The following EPHA1 variants were observed in gnomAD, a reference collection of about 807,000 sequenced individuals.
EPHA1 encodes the protein ephrin type-A receptor 1.
EPHA1 carries 92 observed loss-of-function variants against 110.1 expected under a neutral mutation model. That is an observed-to-expected ratio of 0.84 (90% CI 0.71 to 0.99). EPHA1 has a LOEUF of 0.99. Among genes scored for constraint, EPHA1 ranks in the 50% least tolerant of loss-of-function variants. EPHA1 has a pLI of 0.00. For missense variants in EPHA1, 1,204 were observed against 1,285.4 expected (o/e 0.94, Z 0.97); for synonymous variants, 500 against 516.1 (o/e 0.97, Z 0.42).
At chr7:143,400,081 A>G in intron 3 of EPHA1, 28 bp from the exon 4 acceptor site, 1 of 1,563,012 alleles carries the variant, frequency 6.4e-7, no homozygotes. Context: ...AAGAAAGGGG[A>G]GCAATGGCAA....
rs1805167483 is a variant in EPHA1, at chr7:143,393,992, G to A, written c.2503-128C>T. The A allele has an allele frequency of 1.6e-6, 2 of 1,277,390 alleles. No homozygotes were observed. Among genetic ancestry groups the A allele is most frequent in the Non-Finnish European group, 2.1e-6 (2 of 934,352 alleles). The allele number at this position is 1,277,390 out of a possible 1,614,324, so 79.1% of individuals were successfully genotyped here. A position where few individuals can be genotyped will look rare whatever the true frequency, so the allele number is the denominator to read the frequency against. ...GGGAGGAGGTGGGAGGACCAGGGTG[G>A]GACGATCACAGTGGGAGGATCAGGG... On this transcript the variant is annotated intron_variant, in intron 15 of 17. Transcript: ENST00000275815. The surrounding 1 kb of genome is among the most constrained non-coding windows in gnomAD (Gnocchi z 5.6).
chr7:143,407,698 A>G lies in EPHA1; in HGVS notation c.83-20T>C. 1 of 1,611,968 alleles carries G rather than the reference A, an allele frequency of 6.2e-7. No individual in the cohort carries two copies. The highest frequency in any genetic ancestry group is 8.5e-7 in the Non-Finnish European group (1 of 1,178,662). On this transcript the variant is annotated intron_variant, in intron 1 of 17. Coordinates refer to ENST00000275815, the MANE Select transcript of EPHA1 (RefSeq NM_005232.5). ...GAGTAACTGAAAGTGGGGAGAAAAG[A>G]AGTCTGTCACCTCTGGGGGAGGAGG...
intron 1 of EPHA1, 74 bp downstream of exon 1, chr7:143,408,650 G>A (rs1225223542): frequency 1.0e-5 from 4 of 387,216 alleles, no homozygotes; most frequent in African/African-American, 2.1e-5. Context: ...GCCGGCTTCT[G>A]CAGGGGGGTG....
chr7:143,393,881 G>C lies in EPHA1; in HGVS notation c.2503-17C>G, dbSNP rs756121452. ...CTTCATAACCTGCACGGCGGGACAG[G>C]AGGATGCTCTAGAGTAGCAAGCTAA... On this transcript the variant is annotated splice_polypyrimidine_tract_variant and intron_variant, in intron 15 of 17. Coordinates refer to ENST00000275815, the MANE Select transcript of EPHA1 (RefSeq NM_005232.5). This position sits in a 1 kb window ranked among gnomAD's most constrained non-coding sequence, Gnocchi z 5.6. 6 of 1,531,176 alleles carry C rather than the reference G, an allele frequency of 3.9e-6. No individual in the cohort carries two copies. In the East Asian group the frequency reaches 1.4e-4, roughly 35 times the overall value. The allele number at this position is 1,531,176 out of a possible 1,614,324, so 94.8% of individuals were successfully genotyped here. A position where few individuals can be genotyped will look rare whatever the true frequency, so the allele number is the denominator to read the frequency against.
rs1176425846 is a variant in EPHA1, at chr7:143,393,984, CCAGGGTGGGACGATCACAGTGGGAGGAT to C, written c.2503-148_2503-121del. The C allele has an allele frequency of 1.3e-5, 17 of 1,301,928 alleles. No homozygotes were observed. Among genetic ancestry groups the C allele is most frequent in the Non-Finnish European group, 1.7e-5 (16 of 959,398 alleles). The allele number at this position is 1,301,928 out of a possible 1,614,324, so 80.6% of individuals were successfully genotyped here. On this transcript the variant is annotated intron_variant, in intron 15 of 17. Coordinates refer to ENST00000275815, the MANE Select transcript of EPHA1 (RefSeq NM_005232.5). This position sits in a 1 kb window ranked among gnomAD's most constrained non-coding sequence, Gnocchi z 5.6. ...CCTAGGATGGGAGGAGGTGGGAGGA[CCAGGGTGGGACGATCACAGTGGGAGGAT>C]CAGGGTGGGAGGAGTAAAGAGAGCA...
At chr7:143,406,957 G>A (rs1377916750) in intron 2 of EPHA1, among the ~76,000 whole-genome samples, 1 of 152,226 alleles carries the variant, frequency 6.6e-6, no homozygotes, top group African/African-American at 2.4e-5. Flanking sequence ...ACTGGAACAA[G>A]CTCTGACACT....
At chr7:143,400,076 AG>A (rs1464422394) in intron 3 of EPHA1, 23 bp from the exon 4 acceptor site, 3 of 1,568,806 alleles carry the variant, frequency 1.9e-6, no homozygotes, top group East Asian at 4.5e-5. Flanking sequence ...TGGGGAAGAA[AG>A]GGGAGCAATG....
Position 143,401,179 on chromosome 7 carries a change from C to T in EPHA1, c.432+145G>A. On this transcript the variant is annotated intron_variant, in intron 3 of 17. Coordinates refer to ENST00000275815, the MANE Select transcript of EPHA1 (RefSeq NM_005232.5). This position sits in a 1 kb window ranked among gnomAD's most constrained non-coding sequence, Gnocchi z 4.1. The stretch of plus-strand genomic sequence containing the variant: ...AAGCACTGGAATTACAGGCACAAGC[C>T]ACCATGCCCAGCCTTCAAGCGCCAA... The T allele has an allele frequency of 1.9e-6, 2 of 1,054,546 alleles. No homozygotes were observed. The highest frequency in any genetic ancestry group is 2.7e-6 in the Non-Finnish European group (2 of 737,704). 65.3% of individuals were successfully genotyped at this position (1,054,546 alleles called of 1,614,324 possible).
Position 143,397,285 on chromosome 7 carries a change from G to A in EPHA1, c.1771+19C>T, listed in dbSNP as rs1009953141. 9.1e-6 allele frequency: 14 copies of A among 1,545,696 alleles called. No individual in the cohort carries two copies. Among genetic ancestry groups the A allele is most frequent in the African/African-American group, 4.1e-5 (3 of 72,926 alleles). ...TGTGCACACGCATGTGGGGACACACGCAGGTGCACCCGACTCACCTCGATC... is the reference window on the plus strand; with the variant it reads ...TGTGCACACGCATGTGGGGACACACACAGGTGCACCCGACTCACCTCGATC... On this transcript the variant is annotated intron_variant, in intron 10 of 17. Coordinates refer to ENST00000275815, the MANE Select transcript of EPHA1 (RefSeq NM_005232.5).
At position 143,397,584 on chromosome 7, in the gene EPHA1, A is replaced by G. The variant is rs1805293209; in HGVS notation, c.1689T>C (p.Leu563=). The change falls in exon 9 of 18, where the codon CTT becomes CTC. Residue 563 remains leucine (L), a synonymous_variant. Coordinates refer to ENST00000275815, the MANE Select transcript of EPHA1 (RefSeq NM_005232.5). ...ACCTGGACCGGAAAACGAGAATCCC[A>G]AGCAGCAAGGCTGCACCAAGCAGCA... ...FGLLLGAALL[L]GILVFRSRRA... The G allele has an allele frequency of 1.2e-6, 2 of 1,613,890 alleles. No individual in the cohort carries two copies. Among genetic ancestry groups the G allele is most frequent in the East Asian group, 4.5e-5 (2 of 44,884 alleles).
chr7:143,397,822 T>C (rs1268522603), intron 8 of EPHA1, 98 bp downstream of exon 8: 7 of 1,553,530 alleles, frequency 4.5e-6, no homozygotes, highest in Middle Eastern at 3.4e-4. Flanking sequence ...TGCATGTGTG[T>C]AGAGGAAGAG....
In EPHA1 at chr7:143,396,348, TGGC is replaced by T. The variant is rs761980063; in HGVS notation, c.1897+34_1897+36del. The T allele has an allele frequency of 4.6e-5, 73 of 1,601,518 alleles. 1 individual carries two copies. The East Asian group carries it at 8.8e-4, about 19-fold the overall frequency. On this transcript the variant is annotated intron_variant, in intron 11 of 17. Transcript: ENST00000275815. The stretch of plus-strand genomic sequence containing the variant: ...GCTGGTGGCTCTGTGCTGCCCCACA[TGGC>T]GGGGGGCCTGCTGCGGTGCACAGCA...
At position 143,397,385 on chromosome 7, in the gene EPHA1, C is replaced by A. The variant is rs961085961; in HGVS notation, c.1713-23G>T. 6 of 1,549,248 alleles carry A rather than the reference C, an allele frequency of 3.9e-6. No individual in the cohort carries two copies. In the African/African-American group the frequency reaches 8.2e-5, roughly 21 times the overall value. On this transcript the variant is annotated intron_variant, in intron 9 of 17. Coordinates refer to ENST00000275815, the MANE Select transcript of EPHA1 (RefSeq NM_005232.5). ...CTCCTGTGGGGGTTGGGGACCAGCT[C>A]CTTCAGGGCCCCAGGACCACCTCAG... is the stretch of plus-strand genomic sequence containing the variant.
intron 7 of EPHA1, 119 bp from the exon 8 acceptor site, chr7:143,398,189 C>A: frequency 6.4e-7 from 1 of 1,574,642 alleles, no homozygotes; most frequent in Admixed American, 1.7e-5. Flanking sequence ...CAGGGTTCTT[C>A]ATAGACTTTT....
intron 10 of EPHA1, 23 bp from the exon 11 acceptor site, chr7:143,396,533 G>GGGAGTACCAACATCAGGGCTCA: frequency 6.2e-7 from 1 of 1,612,316 alleles, no homozygotes; most frequent in South Asian, 1.1e-5. Context: ...CATGAGGTTG[G>GGGAGTACCAACATCAGGGCTCA]GGAGTACCAA....
chr7:143,399,368 C>T lies in EPHA1; in HGVS notation c.881G>A (p.Cys294Tyr), dbSNP rs1805352648. 1 of 1,610,334 alleles carries T rather than the reference C, an allele frequency of 6.2e-7. No individual in the cohort carries two copies. Among genetic ancestry groups the T allele is most frequent in the Non-Finnish European group, 8.5e-7 (1 of 1,178,356 alleles). Residue 294 changes from cysteine to tyrosine, a missense_variant, in exon 5 of 18, where the codon TGT becomes TAT. Transcript: ENST00000275815. ...SYRMDMDTPH[C>Y]LTCPQQSTAE... is the part of the protein sequence containing the mutation. ...AGTGCTCTGCTGGGGGCACGTGAGA[C>T]AATGGGGTGTGTCCATGTCCATCCG...
intron 3 of EPHA1, among the ~76,000 whole-genome samples, chr7:143,400,527 T>C (rs1805388539): frequency 6.6e-6 from 1 of 152,218 alleles, no homozygotes; most frequent in Non-Finnish European, 1.5e-5. Context: ...AAATGCTCCT[T>C]ACTCTTCTGC....
Position 143,398,917 on chromosome 7 carries a change from G to A in EPHA1, c.1020C>T (p.Ser340=). ...AGAGCTGAGTCCCTGAGGCAGAGAA[G>A]CTCAGGTTTCGGGGGGCCGAGGGGG... is the stretch of plus-strand genomic sequence containing the variant. The part of the protein sequence containing the change: ...TGPPSAPRNL[S]FSASGTQLSL... The change falls in exon 6 of 18, where the codon AGC becomes AGT. Residue 340 remains serine (S), a synonymous_variant. Coordinates refer to ENST00000275815, the MANE Select transcript of EPHA1 (RefSeq NM_005232.5). The A allele has an allele frequency of 6.2e-7, 1 of 1,611,844 alleles. No individual in the cohort carries two copies. Among genetic ancestry groups the A allele is most frequent in the East Asian group, 2.2e-5 (1 of 44,818 alleles).
chr7:143,392,817 C>T (rs1484077439), intron 16 of EPHA1, among the ~76,000 whole-genome samples: 2 of 152,150 alleles, frequency 1.3e-5, no homozygotes, highest in Admixed American at 6.6e-5. Flanking sequence ...TGGTATGTGC[C>T]TGTAATCCCA....
Sources: allele counts gnomAD v4.1 joint callset (sites outside exome capture counted in the v4.1 genomes callset), GRCh38; gene constraint gnomAD v4.1.1; non-coding constraint Gnocchi (gnomAD v3.1); transcripts MANE v1.5; gene names NCBI Gene and HGNC (gene_info 2026-07-23, HGNC 2026-07-21).